Variants in CFAP70 observed in about 807,000 individuals in gnomAD.
CFAP70 encodes cilia- and flagella-associated protein 70.
A neutral mutation model predicts 137.6 loss-of-function variants in CFAP70; 81 were observed. The ratio of observed to expected loss-of-function variants is 0.59; its 90% CI spans 0.49 to 0.71. The LOEUF (loss-of-function observed/expected upper bound fraction) is 0.71. CFAP70 is among the 30% of genes least tolerant of loss of function. The pLI is 0.00. For missense variants in CFAP70, 976 were observed against 1,226.7 expected (o/e 0.80, Z 3.05); for synonymous variants, 382 against 423.6 (o/e 0.90, Z 1.20).
At chr10:73,330,058 A>T (rs768938459) in intron 8 of CFAP70, among the ~76,000 whole-genome samples, 1 of 152,200 alleles carries the variant, frequency 6.6e-6, no homozygotes, top group African/African-American at 2.4e-5. Flanking sequence ...TTTATAGAGA[A>T]AAAGATCAAT....
At chr10:73,256,719 C>T (rs920094327) in intron 25 of CFAP70, among the ~76,000 whole-genome samples, 19 of 151,596 alleles carry the variant, frequency 1.3e-4, no homozygotes, top group African/African-American at 4.4e-4. Context: ...CTGGCTAACA[C>T]GGTGAAACCC....
chr10:73,318,599 T>C (rs1410559957), intron 9 of CFAP70, among the ~76,000 whole-genome samples: 1 of 152,224 alleles, frequency 6.6e-6, no homozygotes, highest in African/African-American at 2.4e-5. Flanking sequence ...GAAACAAGCA[T>C]TGCCTCCATT....
intron 4 of CFAP70, chr10:73,345,237 C>T: frequency 6.2e-7 from 1 of 1,612,690 alleles, no homozygotes; most frequent in Non-Finnish European, 8.5e-7. Flanking sequence ...AACTTCAAGA[C>T]TGCACTGCTG....
chr10:73,318,013 C>G (rs2050540569), intron 9 of CFAP70, among the ~76,000 whole-genome samples: 1 of 152,178 alleles, frequency 6.6e-6, no homozygotes, highest in South Asian at 2.1e-4. Flanking sequence ...ATGTGACATG[C>G]CTGCTTCCCC....
chr10:73,345,195 G>A (rs1156714900), intron 4 of CFAP70: 1 of 1,614,144 alleles, frequency 6.2e-7, no homozygotes, highest in Non-Finnish European at 8.5e-7. Flanking sequence ...GATCTGGGCT[G>A]TGGTCAGTAA....
intron 19 of CFAP70, 37 bp downstream of exon 20, chr10:73,291,189 C>G: frequency 1.3e-6 from 2 of 1,598,042 alleles, no homozygotes; most frequent in Non-Finnish European, 1.7e-6. Context: ...AGTAATTTTT[C>G]TAATAGCCAC....
chr10:73,323,660 C>A (rs960370751), intron 8 of CFAP70, among the ~76,000 whole-genome samples: 4 of 152,258 alleles, frequency 2.6e-5, no homozygotes, highest in Admixed American at 2.0e-4. Flanking sequence ...AAAAATGGCA[C>A]ACCAAGAGAT....
At chr10:73,354,687 G>T in intron 2 of CFAP70, 47 bp downstream of exon 2, 1 of 1,523,018 alleles carries the variant, frequency 6.6e-7, no homozygotes, top group Non-Finnish European at 9.1e-7. Context: ...CCTCCTGCAG[G>T]TACTCCCAAA....
chr10:73,267,649 A>G (rs770767919), intron 25 of CFAP70, among the ~76,000 whole-genome samples: 2 of 152,214 alleles, frequency 1.3e-5, no homozygotes, highest in Admixed American at 1.3e-4. Flanking sequence ...ACTGCTGTGT[A>G]TAACACCCAT....
chr10:73,301,868 A>T (rs1365164428), intron 12 of CFAP70, among the ~76,000 whole-genome samples: 1 of 152,258 alleles, frequency 6.6e-6, no homozygotes, highest in Non-Finnish European at 1.5e-5. Flanking sequence ...CATCACGCTT[A>T]TGAACTACAA....
chr10:73,321,528 A>G (rs895638195), intron 9 of CFAP70, among the ~76,000 whole-genome samples: 2 of 152,186 alleles, frequency 1.3e-5, no homozygotes, highest in Non-Finnish European at 2.9e-5. Flanking sequence ...GTTTTCATAA[A>G]TTTATTACTG....
chr10:73,323,150 G>A (rs2051030601), intron 8 of CFAP70, 53 bp from the exon 10 acceptor site: 1 of 1,488,100 alleles, frequency 6.7e-7, no homozygotes, highest in Non-Finnish European at 9.0e-7. Context: ...GTAATATAAG[G>A]TATGGAGCTC....
At chr10:73,315,291 T>C (rs2050250526) in intron 9 of CFAP70, among the ~76,000 whole-genome samples, 1 of 152,044 alleles carries the variant, frequency 6.6e-6, no homozygotes, top group Admixed American at 6.6e-5. Context: ...AGAGCATGAT[T>C]CAGTGATTTG....
At chr10:73,352,636 T>G (rs1056140388) in intron 3 of CFAP70, among the ~76,000 whole-genome samples, 1 of 152,202 alleles carries the variant, frequency 6.6e-6, no homozygotes, top group Non-Finnish European at 1.5e-5. Context: ...GAGTCTCTTA[T>G]GTTTGTTTTA....
chr10:73,265,366 TCTTCTTTTTCCTTCTCTCTTATA>T, intron 25 of CFAP70, among the ~76,000 whole-genome samples: 1 of 152,026 alleles, frequency 6.6e-6, no homozygotes, highest in Admixed American at 6.5e-5. Context: ...ATGTATATTT[TCTTCTTTTTCCTTCTCTCTTATA>T]CAAAAGGTGG....
chr10:73,294,422 TCTC>T (rs1325042321), intron 15 of CFAP70: 3 of 152,276 alleles, frequency 2.0e-5, no homozygotes, highest in South Asian at 4.1e-4. Flanking sequence ...TCCTTGTCCT[TCTC>T]CTGCATTTGT....
chr10:73,303,539 C>G (rs886446742), intron 12 of CFAP70, among the ~76,000 whole-genome samples: 2 of 151,898 alleles, frequency 1.3e-5, no homozygotes, highest in Non-Finnish European at 2.9e-5. Context: ...TTCTAATTAG[C>G]TTTTGCTCTA....
At position 73,307,761 on chromosome 10, in the gene CFAP70, G is replaced by T. The variant is rs140684467; in HGVS notation, c.1256+2397C>A. Among the ~76,000 whole-genome samples the T allele has an allele frequency of 3.1e-4, 47 of 152,090 alleles. No individual in the cohort carries two copies. The East Asian group carries it at 6.4e-3, about 21-fold the overall frequency. ...TAAAGCAAAAACTGATAGAATTGAA[G>T]GGAGAAACTGATAGTCCTACAATAA... is the stretch of plus-strand genomic sequence containing the variant. On this transcript the variant is annotated intron_variant, in intron 12 of 26. Transcript: ENST00000310715.
At chr10:73,351,071 GTATATATATATATATA>G (rs1158760266) in intron 3 of CFAP70, among the ~76,000 whole-genome samples, 853 of 31,382 alleles carry the variant, frequency 0.027, 25 homozygotes, top group African/African-American at 0.072. Context: ...GTGTGTGTGT[GTATATATATATATATA>G]TATATATATA....
Sources: gnomAD v4.1 joint callset for allele counts (sites outside exome capture counted in the v4.1 genomes callset) on GRCh38, gnomAD v4.1.1 for gene constraint, MANE v1.5 for transcripts, NCBI Gene and HGNC (gene_info 2026-07-23, HGNC 2026-07-21) for gene names.